Variants in TAB2 observed in about 807,000 individuals in gnomAD.
TAB2 encodes TGF-beta-activated kinase 1 and MAP3K7-binding protein 2.
Under a neutral mutation model 65.0 loss-of-function variants are expected in TAB2, and 3 were observed. The observed-to-expected ratio is 0.05, with a 90% CI of 0.02 to 0.12. TAB2 has a LOEUF of 0.12. TAB2 is among the 10% of genes least tolerant of loss of function. The probability of loss-of-function intolerance (pLI) is 1.00; values close to 1 mark genes in which losing one functional copy is unlikely to be tolerated. For synonymous variants in TAB2, 298 were observed against 285.1 expected (o/e 1.05, Z -0.46); for missense variants, 623 against 840.3 (o/e 0.74, Z 3.20).
At chr6:149,337,267 A>G (rs1217674251) in intron 1 of TAB2, among the ~76,000 whole-genome samples, 1 of 94,500 alleles carries the variant, frequency 1.1e-5, no homozygotes, top group Admixed American at 1.2e-4. Flanking sequence ...TATTTTATGC[A>G]TTTAAAACCA....
chr6:149,411,100 AGAT>A lies in TAB2; in HGVS notation c.*1385_*1387del, dbSNP rs935197386. 3.9e-5 allele frequency: 6 copies of A among 152,694 alleles called. No homozygotes were observed. Among genetic ancestry groups the A allele is most frequent in the African/African-American group, 1.4e-4 (6 of 41,470 alleles). The allele number at this position is 152,694 out of a possible 1,614,324, so 9.5% of individuals were successfully genotyped here. A position where few individuals can be genotyped will look rare whatever the true frequency, so the allele number is the denominator to read the frequency against. On this transcript the variant is annotated 3_prime_UTR_variant, in exon 7 of 7. Coordinates refer to ENST00000637181, the MANE Select transcript of TAB2 (RefSeq NM_001292034.3). ...ATATATTTTTGTAAGGAAAATATTC[AGAT>A]GATCAGGAATGTATATAACTGAAAT...
intron 1 of TAB2, among the ~76,000 whole-genome samples, chr6:149,264,214 C>T (rs774372540): frequency 6.6e-6 from 1 of 152,180 alleles, no homozygotes; most frequent in Non-Finnish European, 1.5e-5. Context: ...TCATGGCACC[C>T]TTGCTTGGAG....
chr6:149,378,791 T>C lies in TAB2; in HGVS notation c.876T>C (p.Thr292=). Residue 292 remains threonine (T), a synonymous_variant, in exon 3 of 7, where the codon ACT becomes ACC. Transcript: ENST00000637181. ...ACATGCCAATCAGTTCACCTACTAC[T>C]TCACAACCACCAACCATTCATTCAT... ...HVYMPISSPT[T]SQPPTIHSSG... The C allele has an allele frequency of 1.2e-6, 2 of 1,614,122 alleles. No homozygotes were observed. The highest frequency in any genetic ancestry group is 1.7e-6 in the Non-Finnish European group (2 of 1,180,012).
chr6:149,360,105 T>C (rs151211134), intron 1 of TAB2, among the ~76,000 whole-genome samples: 1,629 of 152,342 alleles, frequency 0.011, 16 homozygotes, highest in Non-Finnish European at 0.017. Context: ...TGCCAGTTTT[T>C]TTAAAGTAAA....
intron 1 of TAB2, among the ~76,000 whole-genome samples, chr6:149,300,598 T>C (rs909926012): frequency 6.6e-6 from 1 of 152,274 alleles, no homozygotes; most frequent in African/African-American, 2.4e-5. Context: ...TCCTTGAGCA[T>C]AGCTTAGTGT....
intron 3 of TAB2, among the ~76,000 whole-genome samples, chr6:149,380,890 A>C (rs1044700437): frequency 3.3e-5 from 5 of 152,184 alleles, no homozygotes; most frequent in African/African-American, 1.2e-4. Flanking sequence ...CAGCTACACT[A>C]GTGATTCTTA....
chr6:149,364,937 C>A (rs1316159054), intron 1 of TAB2, among the ~76,000 whole-genome samples: 2 of 151,598 alleles, frequency 1.3e-5, no homozygotes, highest in East Asian at 3.9e-4. Flanking sequence ...GTAATAGTTA[C>A]TAAGAAATCA....
chr6:149,342,970 A>G (rs1344207876), intron 1 of TAB2: 1 of 152,224 alleles, frequency 6.6e-6, no homozygotes, highest in Admixed American at 6.5e-5. Flanking sequence ...CATCTAGGTA[A>G]CATGCAGCTA....
chr6:149,373,436 A>G (rs773049709), intron 2 of TAB2, among the ~76,000 whole-genome samples: 7 of 152,184 alleles, frequency 4.6e-5, no homozygotes, highest in African/African-American at 7.2e-5. Flanking sequence ...GTCCTTATCC[A>G]TATTTCTATG....
intron 6 of TAB2, among the ~76,000 whole-genome samples, chr6:149,399,391 G>A (rs776048730): frequency 6.6e-6 from 1 of 152,086 alleles, no homozygotes; most frequent in Non-Finnish European, 1.5e-5. Flanking sequence ...CTTTTTAAAA[G>A]TAATATGCAC....
chr6:149,370,995 G>A (rs1781205269), intron 2 of TAB2, among the ~76,000 whole-genome samples: 1 of 148,758 alleles, frequency 6.7e-6, no homozygotes, highest in Non-Finnish European at 1.5e-5. Flanking sequence ...GAACCCAGGA[G>A]GCAGAGGTTG....
At chr6:149,367,248 T>C (rs1248519468) in intron 1 of TAB2, among the ~76,000 whole-genome samples, 1 of 152,112 alleles carries the variant, frequency 6.6e-6, no homozygotes, top group Admixed American at 6.6e-5. Flanking sequence ...GGAAGAGTTA[T>C]GGCATTATTT....
chr6:149,340,021 CAT>C (rs1780066338), intron 1 of TAB2, among the ~76,000 whole-genome samples: 1 of 152,128 alleles, frequency 6.6e-6, no homozygotes, highest in Non-Finnish European at 1.5e-5. Context: ...ATTCTACTGA[CAT>C]ATTATTTGAA....
chr6:149,378,890 G>C lies in TAB2; in HGVS notation c.975G>C (p.Gln325His), dbSNP rs143053730. The C allele has an allele frequency of 1.9e-6, 3 of 1,613,982 alleles. No homozygotes were observed. Among genetic ancestry groups the C allele is most frequent in the Non-Finnish European group, 2.5e-6 (3 of 1,180,052 alleles). Reference sequence around the variant, plus strand: ...TTTCAACAGGACCTCGAAAAAACCAGATTGAAATCAAACTTGAACCCCCAC... The same window carrying C: ...TTTCAACAGGACCTCGAAAAAACCACATTGAAATCAAACTTGAACCCCCAC... ...QNISTGPRKNQIEIKLEPPQR... is the reference protein window; with the variant it reads ...QNISTGPRKNHIEIKLEPPQR... The change falls in exon 3 of 7, where the codon CAG becomes CAC. Residue 325 changes from glutamine to histidine, a missense_variant. Physicochemically the swap from Gln to His is conservative, Grantham distance 24 (BLOSUM62 0). Transcript: ENST00000637181.
In TAB2 at chr6:149,304,658, C is replaced by T. The variant is rs150193008; in HGVS notation, c.-120-73360C>T. On this transcript the variant is annotated intron_variant, in intron 1 of 1. Coordinates refer to the TAB2 transcript ENST00000606202. ...CACAAAGCAGTTGGCTTTACAAATA[C>T]GCAACACACATCTGATTTCTCTATG... Among the ~76,000 whole-genome samples, 732 of 152,278 alleles carry T rather than the reference C, an allele frequency of 4.8e-3. 5 individuals carry two copies. The highest frequency in any genetic ancestry group is 0.027 in the Middle Eastern group (8 of 294).
At chr6:149,286,740 T>C (rs1778682740) in intron 1 of TAB2, among the ~76,000 whole-genome samples, 1 of 152,180 alleles carries the variant, frequency 6.6e-6, no homozygotes, top group Non-Finnish European at 1.5e-5. Context: ...CGTTGGCATA[T>C]TTAGCAGCTC....
chr6:149,377,484 C>A (rs539183282), intron 2 of TAB2, among the ~76,000 whole-genome samples: 1 of 151,826 alleles, frequency 6.6e-6, no homozygotes, highest in Non-Finnish European at 1.5e-5. Context: ...TAAGAGGAAG[C>A]GTGTGAAGGA....
chr6:149,339,033 A>G lies in TAB2; in HGVS notation c.-90+21018A>G, dbSNP rs1039015160. 5.9e-5 allele frequency among the ~76,000 whole-genome samples: 9 copies of G among 152,182 alleles called. No homozygotes were observed. The South Asian group carries it at 8.3e-4, about 14-fold the overall frequency. ...TCTTTTGGACTGGGTCAGGACATCA[A>G]CTCACGTGGGAAGCACAGATAGCGT... On this transcript the variant is annotated intron_variant, in intron 1 of 6. Transcript: ENST00000637181.
Position 149,303,134 on chromosome 6 carries a change from T to C in TAB2, c.-120-74884T>C, listed in dbSNP as rs115925180. Among the ~76,000 whole-genome samples, 1,219 of 152,298 alleles carry C rather than the reference T, an allele frequency of 8.0e-3. 26 individuals are homozygous for C. Among genetic ancestry groups the C allele is most frequent in the African/African-American group, 0.027 (1,127 of 41,560 alleles). ...TAGGGTTGATGAGAGACTGTCTACT[T>C]ACAGAAAAACAAGCTAAGGGCTCCC... On this transcript the variant is annotated intron_variant, in intron 1 of 1. Transcript: ENST00000606202.
Sources: allele counts gnomAD v4.1 joint callset (sites outside exome capture counted in the v4.1 genomes callset), GRCh38; gene constraint gnomAD v4.1.1; transcripts MANE v1.5; gene names NCBI Gene and HGNC (gene_info 2026-07-23, HGNC 2026-07-21).